The following DCAF5 variants were observed in gnomAD, a reference collection of about 807,000 sequenced individuals.
The protein encoded by DCAF5 is DDB1 and CUL4 associated factor 5, also known as DDB1- and CUL4-associated factor 5.
Under a neutral mutation model 80.7 loss-of-function variants are expected in DCAF5, and 9 were observed. The ratio of observed to expected loss-of-function variants is 0.11; its 90% CI spans 0.07 to 0.19. The LOEUF (loss-of-function observed/expected upper bound fraction) is 0.19. DCAF5 is among the 10% of genes least tolerant of loss of function. The pLI is 1.00. For synonymous variants in DCAF5, 433 were observed against 461.9 expected (o/e 0.94, Z 0.80); for missense variants, 842 against 1,205.7 (o/e 0.70, Z 4.47).
At chr14:69,126,358 T>C (rs2040876012) in intron 1 of DCAF5, among the ~76,000 whole-genome samples, 1 of 152,102 alleles carries the variant, frequency 6.6e-6, no homozygotes. Context: ...GGTTTCACCA[T>C]GTTGGCCAGG....
intron 6 of DCAF5, chr14:69,083,637 A>G (rs1871931822): frequency 1.7e-6 from 1 of 579,920 alleles, no homozygotes; most frequent in Non-Finnish European, 3.2e-6. Flanking sequence ...TGGAAAATAT[A>G]AAAGTTAAAA....
chr14:69,093,939 A>G (rs1403587159), intron 5 of DCAF5, among the ~76,000 whole-genome samples: 1 of 152,194 alleles, frequency 6.6e-6, no homozygotes, highest in African/African-American at 2.4e-5. Flanking sequence ...TCTCTTGCAT[A>G]CAGAAAATGA....
At chr14:69,108,592 C>T (rs2040245543) in intron 5 of DCAF5, among the ~76,000 whole-genome samples, 1 of 152,060 alleles carries the variant, frequency 6.6e-6, no homozygotes, top group African/African-American at 2.4e-5. Flanking sequence ...TTTGAGATTT[C>T]AGCCAGGATG....
At chr14:69,142,514 AT>A (rs1427549172) in intron 1 of DCAF5, among the ~76,000 whole-genome samples, 2 of 152,112 alleles carry the variant, frequency 1.3e-5, no homozygotes, top group Non-Finnish European at 2.9e-5. Context: ...ACAGAAGCAA[AT>A]TTTACTTACA....
chr14:69,074,560 G>A (rs370763991), intron 7 of DCAF5, among the ~76,000 whole-genome samples: 6 of 152,130 alleles, frequency 3.9e-5, no homozygotes, highest in South Asian at 2.1e-4. Context: ...TTTCTTTGAC[G>A]TCCTGGGTCA....
chr14:69,137,780 TAC>T (rs1369955606), intron 1 of DCAF5, among the ~76,000 whole-genome samples: 2 of 152,204 alleles, frequency 1.3e-5, no homozygotes, highest in Non-Finnish European at 1.5e-5. Context: ...CCGAAAATAT[TAC>T]AGTCAAGATA....
Position 69,055,367 on chromosome 14 carries a change from T to A in DCAF5, c.1319A>T (p.Glu440Val). 6.2e-7 allele frequency: 1 copy of A among 1,614,146 alleles called. No individual in the cohort carries two copies. The highest frequency in any genetic ancestry group is 8.5e-7 in the Non-Finnish European group (1 of 1,180,022). ...AGCGTGCAGTTGGAGGATAGTACTCTCACTGAGGTCACTGTCTGAGTCAGA... is the reference window on the plus strand; with the variant it reads ...AGCGTGCAGTTGGAGGATAGTACTCACACTGAGGTCACTGTCTGAGTCAGA... The part of the protein sequence containing the change: ...WSSDSDSDLS[E>V]STILQLHAGV... Residue 440 changes from glutamate (E) to valine (V), a missense_variant, in exon 9 of 9, where the codon GAG becomes GTG. Glu to Val is a moderately radical substitution (Grantham distance 121, BLOSUM62 -2). Transcript: ENST00000341516. The surrounding 1 kb of genome is among the most constrained non-coding windows in gnomAD (Gnocchi z 5.6).
chr14:69,128,698 G>C (rs891504079), intron 1 of DCAF5, among the ~76,000 whole-genome samples: 13 of 152,060 alleles, frequency 8.5e-5, no homozygotes, highest in African/African-American at 2.9e-4. Flanking sequence ...AACCCTGGAG[G>C]CGGAGGTTGC....
intron 5 of DCAF5, among the ~76,000 whole-genome samples, chr14:69,105,348 T>TA (rs2040100382): frequency 1.3e-5 from 2 of 152,290 alleles, no homozygotes; most frequent in South Asian, 4.1e-4. Context: ...CACTAATACA[T>TA]GTGGATGAAT....
At chr14:69,092,305 G>T (rs1331774316) in intron 5 of DCAF5, among the ~76,000 whole-genome samples, 1 of 152,130 alleles carries the variant, frequency 6.6e-6, no homozygotes. Flanking sequence ...CTTCATATTA[G>T]AGATACAAGA....
intron 6 of DCAF5, chr14:69,089,781 G>T (rs994370110): frequency 2.3e-5 from 7 of 305,036 alleles, no homozygotes; most frequent in African/African-American, 6.8e-5. Flanking sequence ...AGACATTTTT[G>T]GTTGCCTGGA....
At chr14:69,061,581 C>G (rs920320165) in intron 8 of DCAF5, among the ~76,000 whole-genome samples, 1 of 152,144 alleles carries the variant, frequency 6.6e-6, no homozygotes, top group African/African-American at 2.4e-5. Context: ...ACCCAAGTAG[C>G]CTCAATTACA....
chr14:69,145,460 A>G (rs1474808160), intron 1 of DCAF5, among the ~76,000 whole-genome samples: 3 of 152,226 alleles, frequency 2.0e-5, no homozygotes, highest in Non-Finnish European at 4.4e-5. Flanking sequence ...ATCTAAATTC[A>G]TCTAACATAT....
At chr14:69,121,181 T>C (rs2040707962) in intron 2 of DCAF5, among the ~76,000 whole-genome samples, 1 of 152,226 alleles carries the variant, frequency 6.6e-6, no homozygotes, top group African/African-American at 2.4e-5. Flanking sequence ...TTAGACTTCA[T>C]TCTTCAGGCA....
intron 6 of DCAF5, among the ~76,000 whole-genome samples, chr14:69,086,504 G>T (rs113245283): frequency 0.031 from 4,644 of 151,846 alleles, 98 homozygotes; most frequent in Non-Finnish European, 0.039. Context: ...CAAATCAAAG[G>T]CTGGAAACCA....
At chr14:69,076,184 G>A (rs2038891652) in intron 6 of DCAF5, among the ~76,000 whole-genome samples, 1 of 152,120 alleles carries the variant, frequency 6.6e-6, no homozygotes, top group Admixed American at 6.6e-5. Context: ...TGCATTGCTG[G>A]TGGGAATGAC....
intron 2 of DCAF5, 101 bp downstream of exon 2, chr14:69,122,116 C>G: frequency 7.2e-7 from 1 of 1,397,510 alleles, no homozygotes; most frequent in South Asian, 1.4e-5. Flanking sequence ...AATTCCACAG[C>G]TCAATGAAAT....
intron 1 of DCAF5, among the ~76,000 whole-genome samples, chr14:69,144,310 C>T (rs184287421): frequency 1.2e-3 from 178 of 151,772 alleles, no homozygotes; most frequent in Middle Eastern, 3.4e-3. Flanking sequence ...CGGTGGCTCA[C>T]GCCTGTAATC....
chr14:69,064,400 T>C (rs951929792), intron 7 of DCAF5, among the ~76,000 whole-genome samples: 1 of 152,150 alleles, frequency 6.6e-6, no homozygotes, highest in Non-Finnish European at 1.5e-5. Context: ...AACAGTCTCT[T>C]GTTTAATCCT....
Sources: allele counts gnomAD v4.1 joint callset (sites outside exome capture counted in the v4.1 genomes callset), GRCh38; gene constraint gnomAD v4.1.1; non-coding constraint Gnocchi (gnomAD v3.1); transcripts MANE v1.5; gene names NCBI Gene and HGNC (gene_info 2026-07-23, HGNC 2026-07-21).